Variants in HMGB1 observed in about 807,000 individuals in gnomAD.
HMGB1 encodes high mobility group protein B1.
For missense variants in HMGB1, 79 were observed against 253.5 expected (o/e 0.31, Z 4.67); for synonymous variants, 81 against 84.0 (o/e 0.96, Z 0.19).
chr13:30,569,049 T>C (rs1284183809), intron 1 of HMGB1, among the ~76,000 whole-genome samples: 4 of 151,960 alleles, frequency 2.6e-5, no homozygotes, highest in African/African-American at 9.7e-5. Flanking sequence ...GTGGTGTGCA[T>C]CTGTAATCCC....
At chr13:30,483,933 G>C (rs1887299275) in intron 1 of HMGB1, among the ~76,000 whole-genome samples, 1 of 152,144 alleles carries the variant, frequency 6.6e-6, no homozygotes, top group African/African-American at 2.4e-5. Context: ...GCTCTTAGCA[G>C]AGCATCCTAG....
chr13:30,481,830 C>T (rs1196477752), intron 1 of HMGB1, among the ~76,000 whole-genome samples: 1 of 151,952 alleles, frequency 6.6e-6, no homozygotes, highest in African/African-American at 2.4e-5. Context: ...TGTAGGTATT[C>T]TTAAGTCTTT....
intron 1 of HMGB1, among the ~76,000 whole-genome samples, chr13:30,597,990 TTAGAG>T (rs1304111320): frequency 6.6e-6 from 1 of 152,226 alleles, no homozygotes; most frequent in Non-Finnish European, 1.5e-5. Flanking sequence ...TCCGATAGCC[TTAGAG>T]TAGCTGTCCC....
At chr13:30,562,525 TTA>T (rs202025369) in intron 1 of HMGB1, among the ~76,000 whole-genome samples, 4,974 of 152,262 alleles carry the variant, frequency 0.033, 125 homozygotes, top group Non-Finnish European at 0.047. Context: ...CAACTTACTT[TTA>T]TATTACAGTA....
chr13:30,531,509 C>CGTGTGTGTGTGTGTGTGT (rs376387192), intron 1 of HMGB1, among the ~76,000 whole-genome samples: 23 of 135,590 alleles, frequency 1.7e-4, no homozygotes, highest in African/African-American at 4.2e-4. Flanking sequence ...GTAACATATA[C>CGTGTGTGTGTGTGTGTGT]GTGTGTGTGT....
chr13:30,599,128 T>C (rs1406518317), intron 1 of HMGB1, among the ~76,000 whole-genome samples: 1 of 152,202 alleles, frequency 6.6e-6, no homozygotes, highest in Non-Finnish European at 1.5e-5. Context: ...CACCCATGTG[T>C]AAGGGTTGGT....
intron 1 of HMGB1, among the ~76,000 whole-genome samples, chr13:30,582,255 T>C (rs999028546): frequency 1.3e-5 from 2 of 152,222 alleles, no homozygotes; most frequent in East Asian, 3.8e-4. Context: ...TTCTTTCATT[T>C]TGCAATCAAA....
At chr13:30,537,301 T>C (rs1421208979) in intron 1 of HMGB1, among the ~76,000 whole-genome samples, 1 of 152,132 alleles carries the variant, frequency 6.6e-6, no homozygotes, top group South Asian at 2.1e-4. Flanking sequence ...AATTTCACTA[T>C]GGTGTGTTTT....
chr13:30,466,929 A>G (rs1886804306), upstream of HMGB1, among the ~76,000 whole-genome samples: 1 of 152,188 alleles, frequency 6.6e-6, no homozygotes, highest in African/African-American at 2.4e-5. Flanking sequence ...CCATCACACC[A>G]CTTAGTGCAT....
intron 2 of HMGB1, 78 bp downstream of exon 2, chr13:30,463,453 C>T: frequency 6.5e-7 from 1 of 1,539,620 alleles, no homozygotes; most frequent in Non-Finnish European, 8.9e-7. Context: ...TACGAGAATG[C>T]CAACTAGGCT....
intron 1 of HMGB1, among the ~76,000 whole-genome samples, chr13:30,593,234 C>T (rs34634873): frequency 1.3e-5 from 2 of 152,172 alleles, no homozygotes; most frequent in African/African-American, 2.4e-5. Flanking sequence ...ACCACCCCCC[C>T]GTAGAAGCTG....
chr13:30,548,134 T>C (rs559871605), intron 1 of HMGB1, among the ~76,000 whole-genome samples: 1 of 152,184 alleles, frequency 6.6e-6, no homozygotes, highest in Non-Finnish European at 1.5e-5. Context: ...TCTTGAATTG[T>C]AGTTCCCATA....
At chr13:30,615,998 T>G (rs2137581199) in intron 1 of HMGB1, among the ~76,000 whole-genome samples, 1 of 152,348 alleles carries the variant, frequency 6.6e-6, no homozygotes, top group Non-Finnish European at 1.5e-5. Context: ...TACTGCACTC[T>G]CTCTGGGACC....
intron 1 of HMGB1, among the ~76,000 whole-genome samples, chr13:30,480,607 C>T (rs1000081160): frequency 1.3e-5 from 2 of 152,094 alleles, no homozygotes; most frequent in Non-Finnish European, 2.9e-5. Flanking sequence ...GATGTAGATG[C>T]CCTGGGTGAA....
chr13:30,557,858 G>A (rs181131944), intron 1 of HMGB1, among the ~76,000 whole-genome samples: 1 of 152,256 alleles, frequency 6.6e-6, no homozygotes, highest in East Asian at 1.9e-4. Flanking sequence ...AGCGAGACAG[G>A]GCACAGAATA....
At chr13:30,476,910 A>G (rs952660138) in intron 1 of HMGB1, among the ~76,000 whole-genome samples, 6 of 151,890 alleles carry the variant, frequency 4.0e-5, no homozygotes, top group Admixed American at 2.0e-4. Context: ...CAGTAATCCT[A>G]TAAGGCCAGG....
At chr13:30,571,822 T>C (rs780817928) in intron 1 of HMGB1, among the ~76,000 whole-genome samples, 3 of 152,156 alleles carry the variant, frequency 2.0e-5, no homozygotes, top group Non-Finnish European at 4.4e-5. Context: ...TATTACTTTA[T>C]ATTTTTATAG....
At chr13:30,498,878 C>T (rs1227472823) in intron 1 of HMGB1, among the ~76,000 whole-genome samples, 1 of 151,390 alleles carries the variant, frequency 6.6e-6, no homozygotes, top group Non-Finnish European at 1.5e-5. Context: ...GAACTTCTGA[C>T]CTCAAGTGAT....
intron 1 of HMGB1, among the ~76,000 whole-genome samples, chr13:30,576,273 T>G (rs1870651109): frequency 6.6e-6 from 1 of 152,156 alleles, no homozygotes; most frequent in Non-Finnish European, 1.5e-5. Flanking sequence ...AGACCTAAAT[T>G]CTACTCCTGC....
Sources: gnomAD v4.1 joint callset for allele counts (sites outside exome capture counted in the v4.1 genomes callset) on GRCh38, gnomAD v4.1.1 for gene constraint, MANE v1.5 for transcripts, NCBI Gene and HGNC (gene_info 2026-07-23, HGNC 2026-07-21) for gene names.